The following CDC42BPG variants were observed in gnomAD, a reference collection of about 807,000 sequenced individuals.
CDC42BPG encodes the protein CDC42 binding protein kinase gamma.
Under a neutral mutation model 192.2 loss-of-function variants are expected in CDC42BPG, and 157 were observed. The observed-to-expected ratio is 0.82, with a 90% CI of 0.72 to 0.93. CDC42BPG has a LOEUF of 0.93. Ranked by LOEUF, CDC42BPG falls within the 40% of genes least tolerant of loss-of-function variation. CDC42BPG has a pLI of 0.00. For missense variants in CDC42BPG, 1,992 were observed against 2,122.1 expected, an observed-to-expected ratio of 0.94 and a Z score of 1.20; for synonymous variants, 981 against 918.5, an observed-to-expected ratio of 1.07 and a Z score of -1.23.
rs533353491 is a variant in CDC42BPG, at chr11:64,824,395, G to A, written c.*78C>T. The stretch of plus-strand genomic sequence containing the variant: ...CGAATTTCCATGTCCCGGACCAGCC[G>A]GAGTATGGCATTCCTCAAGCTCTTT... On this transcript the variant is annotated 3_prime_UTR_variant, in exon 37 of 37. Coordinates refer to ENST00000342711, the MANE Select transcript of CDC42BPG (RefSeq NM_017525.3). 2.2e-4 allele frequency: 223 copies of A among 1,021,698 alleles called. No individual in the cohort carries two copies. Among genetic ancestry groups the A allele is most frequent in the Non-Finnish European group, 3.0e-4 (194 of 637,672 alleles). 63.3% of individuals were successfully genotyped at this position (1,021,698 alleles called of 1,614,324 possible). A position where few individuals can be genotyped will look rare whatever the true frequency, so the allele number is the denominator to read the frequency against.
intron 11 of CDC42BPG, 24 bp downstream of exon 11, chr11:64,836,715 G>GGGGGGGGT: frequency 1.1e-6 from 1 of 870,666 alleles, no homozygotes; most frequent in East Asian, 2.9e-5. Context: ...CTGGGGGGGG[G>GGGGGGGGT]GGGGGGGTGG....
At chr11:64,836,352 C>T (rs1942986716) in intron 12 of CDC42BPG, 56 bp from the exon 13 acceptor site, 12 of 1,604,754 alleles carry the variant, frequency 7.5e-6, no homozygotes, top group Middle Eastern at 3.3e-4. Context: ...AGGCACGAAC[C>T]GTCCATGGAG....
chr11:64,831,460 C>T (rs1168162990), intron 28 of CDC42BPG, 45 bp downstream of exon 28: 3 of 1,546,664 alleles, frequency 1.9e-6, no homozygotes, highest in Non-Finnish European at 2.7e-6. Flanking sequence ...CACCAGCACT[C>T]CCGCAGGCCT....
chr11:64,826,243 C>T (rs1210130912), intron 36 of CDC42BPG, among the ~76,000 whole-genome samples: 2 of 152,166 alleles, frequency 1.3e-5, no homozygotes, highest in Non-Finnish European at 2.9e-5. Context: ...CAGAGCCACA[C>T]AGCTGGAACA....
chr11:64,833,578 G>T (rs1363546637), intron 23 of CDC42BPG, 22 bp downstream of exon 23: 26 of 1,594,646 alleles, frequency 1.6e-5, no homozygotes, highest in East Asian at 2.2e-5. Context: ...CCCCCACCCT[G>T]CTTGCCCCTC....
In CDC42BPG at chr11:64,827,701, G is replaced by A. The variant is rs757321105; in HGVS notation, c.4050C>T (p.Thr1350=). The A allele has an allele frequency of 6.2e-6, 10 of 1,612,702 alleles. No individual in the cohort carries two copies. Among genetic ancestry groups the A allele is most frequent in the Admixed American group, 1.7e-5 (1 of 59,866 alleles). The part of the protein sequence containing the change: ...FDVRRAEWVQ[T]VPLKKVRPLN... ...GGACCCTCACCTTCTTGAGCGGCACGGTCTGCACCCATTCTGCCCTCCTCA... is the reference window on the plus strand; with the variant it reads ...GGACCCTCACCTTCTTGAGCGGCACAGTCTGCACCCATTCTGCCCTCCTCA... The change falls in exon 31 of 37, where the codon ACC becomes ACT. Residue 1350 remains threonine (T), a synonymous_variant. Coordinates refer to ENST00000342711, the MANE Select transcript of CDC42BPG (RefSeq NM_017525.3).
At chr11:64,838,491 C>T (rs559340725) in intron 8 of CDC42BPG, among the ~76,000 whole-genome samples, 163 bp downstream of exon 8, 37 of 152,252 alleles carry the variant, frequency 2.4e-4, no homozygotes, top group African/African-American at 8.2e-4. Context: ...GCTGGGCCAG[C>T]GGATGGTGGC....
intron 17 of CDC42BPG, 30 bp downstream of exon 17, chr11:64,835,017 T>TTGG: frequency 1.7e-5 from 27 of 1,571,742 alleles, no homozygotes; most frequent in Non-Finnish European, 1.9e-5. Context: ...TCGCCTGCGT[T>TTGG]CCCCACCCCG....
chr11:64,844,257 G>A (rs1943406734), intron 1 of CDC42BPG, among the ~76,000 whole-genome samples, 153 bp downstream of exon 1: 1 of 151,948 alleles, frequency 6.6e-6, no homozygotes, highest in South Asian at 2.1e-4. Context: ...TGTGCGGGCC[G>A]CGGGGGTCCG....
chr11:64,835,706 G>A, intron 14 of CDC42BPG, 56 bp downstream of exon 14: 1 of 1,607,912 alleles, frequency 6.2e-7, no homozygotes, highest in Non-Finnish European at 8.5e-7. Flanking sequence ...CTGAGGCTCT[G>A]AGTGGGGTCA....
chr11:64,840,057 C>T, intron 5 of CDC42BPG, 63 bp downstream of exon 5: 1 of 1,501,760 alleles, frequency 6.7e-7, no homozygotes, highest in East Asian at 2.3e-5. Context: ...CTGTCCCCAG[C>T]ACAGCTGGCA....
chr11:64,842,600 C>A (rs1943328148), intron 1 of CDC42BPG, among the ~76,000 whole-genome samples: 1 of 152,216 alleles, frequency 6.6e-6, no homozygotes, highest in African/African-American at 2.4e-5. Flanking sequence ...GCTCAGGATG[C>A]CTCCAGGCCT....
At chr11:64,826,024 G>A (rs1245796055) in intron 36 of CDC42BPG, among the ~76,000 whole-genome samples, 3 of 141,326 alleles carry the variant, frequency 2.1e-5, no homozygotes, top group Non-Finnish European at 3.0e-5. Flanking sequence ...CCGAGATTGT[G>A]CCACTGCACT....
chr11:64,835,772 G>A lies in CDC42BPG; in HGVS notation c.1748C>T (p.Ser583Phe). ...GGAGGACTTGACTACCTTGGCCTGG[G>A]ACGACTCCTCAAGGCGTTGCTCCCA... ...GQWEQRLEES[S>F]QAKTIHTASE... Residue 583 changes from serine to phenylalanine, a missense_variant, in exon 14 of 37, where the codon TCC (serine) becomes TTC (phenylalanine). By Grantham distance (155) the Ser-to-Phe change is radical. Coordinates refer to ENST00000342711, the MANE Select transcript of CDC42BPG (RefSeq NM_017525.3). The A allele has an allele frequency of 1.2e-6, 2 of 1,613,508 alleles. No individual in the cohort carries two copies. Among genetic ancestry groups the A allele is most frequent in the Non-Finnish European group, 1.7e-6 (2 of 1,179,946 alleles).
intron 30 of CDC42BPG, among the ~76,000 whole-genome samples, chr11:64,828,079 CCATGTGATGGT>C (rs1190856765): frequency 6.6e-6 from 1 of 152,172 alleles, no homozygotes; most frequent in Non-Finnish European, 1.5e-5. Flanking sequence ...ACCCCTGGAG[CCATGTGATGGT>C]CAAGGTCAGG....
rs1202937634 is a variant in CDC42BPG, at chr11:64,831,674, C to T, written c.3135G>A (p.Leu1045=). The change falls in exon 28 of 37, where the codon CTG becomes CTA. Residue 1045 remains leucine (L), a synonymous_variant. Transcript: ENST00000342711. The stretch of plus-strand genomic sequence containing the variant: ...GCTCCCCCTCGCTCTCTGCCAGCAG[C>T]AGCACAGTGCACGTGGTGGGCGGCA... The part of the protein sequence containing the change: ...LAVPPTTCTV[L]LLAESEGERE... 5 of 1,608,606 alleles carry T rather than the reference C, an allele frequency of 3.1e-6. No homozygotes were observed. The highest frequency in any genetic ancestry group is 2.5e-6 in the Non-Finnish European group (3 of 1,179,438).
chr11:64,830,226 T>G lies in CDC42BPG; in HGVS notation c.3335A>C (p.Glu1112Ala), dbSNP rs1252109376. The change falls in exon 29 of 37, where the codon GAG (glutamate) becomes GCG (alanine). Residue 1112 changes from glutamate (E) to alanine (A), a missense_variant. Around this residue, in one of 2 missense-constraint regions of CDC42BPG, gnomAD observed 1,656 missense variants for 1,844.3 expected, o/e 0.90. Coordinates refer to ENST00000342711, the MANE Select transcript of CDC42BPG (RefSeq NM_017525.3). ...DQDRLALGTE[E>A]GLFVIHLRSN... ...GCGCAGATGGATGACAAAGAGCCCC[T>G]CCTCGGTGCCAAGCGCAAGTCGATC... 6.2e-7 allele frequency: 1 copy of G among 1,612,740 alleles called. No individual in the cohort carries two copies. Among genetic ancestry groups the G allele is most frequent in the Admixed American group, 1.7e-5 (1 of 59,868 alleles).
Position 64,841,728 on chromosome 11 carries a change from G to A in CDC42BPG, c.258C>T (p.Thr86=), listed in dbSNP as rs141646335. 5.5e-4 allele frequency: 889 copies of A among 1,613,710 alleles called. No homozygotes were observed. Among genetic ancestry groups the A allele is most frequent in the Non-Finnish European group, 6.9e-4 (816 of 1,179,966 alleles). Residue 86 remains threonine, a synonymous_variant, in exon 3 of 37, where the codon ACC becomes ACT. Coordinates refer to ENST00000342711, the MANE Select transcript of CDC42BPG (RefSeq NM_017525.3). ...VIGRGAFGEV[T]VVRQRDTGQI... is the part of the protein sequence containing the mutation. ...GCCCAGTGTCCCTCTGCCTCACCAC[G>A]GTGACCTAAGGCCACAGGGAGGACC...
At chr11:64,830,377 G>T in intron 28 of CDC42BPG, 121 bp from the exon 29 acceptor site, 1 of 845,204 alleles carries the variant, frequency 1.2e-6, no homozygotes, top group Non-Finnish European at 1.9e-6. Context: ...CAATAATCCC[G>T]CTGTCCCTGC....
Sources: allele counts gnomAD v4.1 joint callset (sites outside exome capture counted in the v4.1 genomes callset), GRCh38; gene constraint gnomAD v4.1.1; regional missense constraint gnomAD v4.1.1; transcripts MANE v1.5; gene names NCBI Gene and HGNC (gene_info 2026-07-23, HGNC 2026-07-21).